Variants in PPFIA2 observed in about 807,000 individuals in gnomAD.
PPFIA2 encodes PPFI scaffold protein A2.
Under a neutral mutation model 175.5 loss-of-function variants are expected in PPFIA2, and 46 were observed. The observed-to-expected ratio is 0.26, with a 90% confidence interval of 0.21 to 0.34. The LOEUF (loss-of-function observed/expected upper bound fraction) is 0.34, where lower values mean the gene tolerates loss of function less well. Among genes scored for constraint, PPFIA2 ranks in the 10% least tolerant of loss-of-function variants. PPFIA2 has a pLI of 1.00. For missense variants in PPFIA2, 1,179 were observed against 1,506.1 expected (o/e 0.78, Z 3.60); for synonymous variants, 568 against 511.4 (o/e 1.11, Z -1.49).
Position 81,513,315 on chromosome 12 carries a change from G to A in PPFIA2, c.304-55449C>T, listed in dbSNP as rs191173116. Reference sequence around the variant, plus strand: ...ACACTGCTGGTGGGAATGTAAACTAGTACAACCACTATGGAAAACAGTATG... The same window carrying A: ...ACACTGCTGGTGGGAATGTAAACTAATACAACCACTATGGAAAACAGTATG... On this transcript the variant is annotated intron_variant, in intron 4 of 32. Transcript: ENST00000549396. Among the ~76,000 whole-genome samples the A allele has an allele frequency of 3.3e-5, 5 of 152,110 alleles. No homozygotes were observed. The East Asian group carries it at 5.8e-4, about 18-fold the overall frequency.
At chr12:81,567,240 G>A (rs2071527974) in intron 4 of PPFIA2, among the ~76,000 whole-genome samples, 1 of 151,990 alleles carries the variant, frequency 6.6e-6, no homozygotes, top group South Asian at 2.1e-4. Flanking sequence ...TAGTAGAGAT[G>A]GGGTTTCACC....
At chr12:81,280,761 A>G (rs975164308) in intron 27 of PPFIA2, among the ~76,000 whole-genome samples, 3 of 152,136 alleles carry the variant, frequency 2.0e-5, no homozygotes, top group South Asian at 2.1e-4. Context: ...AAATTAATAT[A>G]CAAATAAGCA....
intron 3 of PPFIA2, among the ~76,000 whole-genome samples, chr12:81,750,792 AC>A (rs2153663685): frequency 6.6e-6 from 1 of 152,322 alleles, no homozygotes; most frequent in South Asian, 2.1e-4. Context: ...AGCTCCAATC[AC>A]CAAGACCTAA....
chr12:81,475,251 G>A (rs1005108055), intron 4 of PPFIA2, among the ~76,000 whole-genome samples: 2 of 152,086 alleles, frequency 1.3e-5, no homozygotes, highest in African/African-American at 4.8e-5. Flanking sequence ...CTGTGTATTT[G>A]TTAAAGGACC....
intron 28 of PPFIA2, among the ~76,000 whole-genome samples, chr12:81,276,139 A>T (rs968647258): frequency 2.6e-5 from 4 of 152,156 alleles, no homozygotes; most frequent in African/African-American, 9.7e-5. Flanking sequence ...AAAAAAGCCC[A>T]CGTATTATCT....
At position 81,363,627 on chromosome 12, in the gene PPFIA2, C is replaced by G. The variant is rs1402566466; in HGVS notation, c.1546-843G>C. 4.6e-5 allele frequency among the ~76,000 whole-genome samples: 7 copies of G among 151,802 alleles called. No individual in the cohort carries two copies. The East Asian group carries it at 1.4e-3, about 29-fold the overall frequency. The stretch of plus-strand genomic sequence containing the variant: ...TGCTTGATATTTTACTTTACTCAAA[C>G]TTTTCTCACCACATTTTTTTTTGTT... On this transcript the variant is annotated intron_variant, in intron 14 of 32. Coordinates refer to ENST00000549396, the MANE Select transcript of PPFIA2 (RefSeq NM_003625.5).
chr12:81,573,935 C>G (rs905992728), intron 4 of PPFIA2, among the ~76,000 whole-genome samples: 14 of 151,886 alleles, frequency 9.2e-5, no homozygotes, highest in African/African-American at 2.9e-4. Flanking sequence ...GTAAACTGCT[C>G]TATGCTGGAA....
intron 13 of PPFIA2, chr12:81,368,227 T>A (rs2141432615): frequency 8.9e-7 from 1 of 1,122,404 alleles, no homozygotes; most frequent in Non-Finnish European, 1.2e-6. Context: ...GCACTATTTC[T>A]GAAATAATGC....
At chr12:81,715,362 T>C (rs1026469816) in intron 3 of PPFIA2, among the ~76,000 whole-genome samples, 3 of 151,884 alleles carry the variant, frequency 2.0e-5, no homozygotes, top group Admixed American at 6.6e-5. Context: ...GCGAAATCGG[T>C]ATGTGTTCTT....
chr12:81,578,863 T>C (rs1163294901), intron 4 of PPFIA2, among the ~76,000 whole-genome samples: 3 of 151,820 alleles, frequency 2.0e-5, no homozygotes, highest in Non-Finnish European at 1.5e-5. Flanking sequence ...CATAAATGCC[T>C]GTATAGTGAT....
At chr12:81,680,613 C>A (rs1021723056) in intron 3 of PPFIA2, among the ~76,000 whole-genome samples, 2 of 151,858 alleles carry the variant, frequency 1.3e-5, no homozygotes, top group African/African-American at 4.8e-5. Context: ...TTATGAGGAG[C>A]TTTTACATAG....
At chr12:81,757,982 T>C (rs968778174) in intron 2 of PPFIA2, among the ~76,000 whole-genome samples, 1 of 152,188 alleles carries the variant, frequency 6.6e-6, no homozygotes, top group Non-Finnish European at 1.5e-5. Context: ...TTACATTACA[T>C]GAATATTCTC....
At chr12:81,324,521 A>T (rs7960886) in intron 22 of PPFIA2, among the ~76,000 whole-genome samples, 95,277 of 151,792 alleles carry the variant, frequency 0.63, 31,802 homozygotes, top group Non-Finnish European at 0.76. Context: ...ATATTTTTAG[A>T]CTGGAAATCA....
intron 4 of PPFIA2, among the ~76,000 whole-genome samples, chr12:81,476,878 A>G (rs2057539272): frequency 6.6e-6 from 1 of 152,206 alleles, no homozygotes; most frequent in Non-Finnish European, 1.5e-5. Context: ...GTATGCATCC[A>G]TAAAAAGGAA....
intron 24 of PPFIA2, among the ~76,000 whole-genome samples, chr12:81,290,725 GA>G (rs1295600134): frequency 1.3e-5 from 2 of 151,604 alleles, no homozygotes; most frequent in Non-Finnish European, 3.0e-5. Flanking sequence ...GACAAAGGGA[GA>G]AAAAATAGCA....
intron 6 of PPFIA2, 94 bp from the exon 7 acceptor site, chr12:81,440,140 T>G: frequency 1.1e-6 from 1 of 892,302 alleles, no homozygotes; most frequent in Admixed American, 3.1e-5. Flanking sequence ...GACAGTCAAT[T>G]TGGCAAATTA....
At chr12:81,377,739 C>T (rs1245938202) in intron 9 of PPFIA2, among the ~76,000 whole-genome samples, 2 of 152,022 alleles carry the variant, frequency 1.3e-5, no homozygotes, top group Non-Finnish European at 2.9e-5. Context: ...GGTTTCAATA[C>T]TTTTATTTCT....
chr12:81,264,412 T>C (rs1334097652), intron 30 of PPFIA2, among the ~76,000 whole-genome samples: 2 of 152,210 alleles, frequency 1.3e-5, no homozygotes, highest in Non-Finnish European at 2.9e-5. Flanking sequence ...AAGGAAAATA[T>C]GAATCATTCC....
intron 22 of PPFIA2, chr12:81,302,701 G>A (rs1345079241): frequency 4.4e-6 from 2 of 453,166 alleles, no homozygotes; most frequent in Non-Finnish European, 8.9e-6. Context: ...TTTTCCTTTT[G>A]AGAGAAGTAA....
Sources: allele counts gnomAD v4.1 joint callset (sites outside exome capture counted in the v4.1 genomes callset), GRCh38; gene constraint gnomAD v4.1.1; transcripts MANE v1.5; gene names NCBI Gene and HGNC (gene_info 2026-07-23, HGNC 2026-07-21).